LHFPL2: variants seen among roughly 807,000 people sequenced by gnomAD.
LHFPL2 encodes LHFPL tetraspan subfamily member 2, also known as LHFPL tetraspan subfamily member 2 protein.
In LHFPL2, 7 loss-of-function variants were observed where a neutral mutation model predicts 17.5. The observed-to-expected ratio is 0.40, with a 90% CI of 0.23 to 0.75. The LOEUF is 0.75. Among genes scored for constraint, LHFPL2 ranks in the 30% least tolerant of loss-of-function variants. LHFPL2 has a pLI of 0.37. For synonymous variants in LHFPL2, 134 were observed against 116.2 expected, an observed-to-expected ratio of 1.15 and a Z score of -0.99; for missense variants, 241 against 294.8, an observed-to-expected ratio of 0.82 and a Z score of 1.34.
chr5:78,514,811 T>C (rs1020320411), intron 3 of LHFPL2, among the ~76,000 whole-genome samples: 3 of 152,210 alleles, frequency 2.0e-5, no homozygotes, highest in African/African-American at 7.2e-5. Context: ...CTACCTTGCT[T>C]ACTCACCCTG....
At chr5:78,644,410 C>T in intron 1 of LHFPL2, 1 of 759,902 alleles carries the variant, frequency 1.3e-6, no homozygotes, top group South Asian at 1.6e-5. Flanking sequence ...TTCAGCTTCA[C>T]AGCCTTTTCA....
chr5:78,563,096 C>T (rs910860264), intron 3 of LHFPL2, among the ~76,000 whole-genome samples: 1 of 152,218 alleles, frequency 6.6e-6, no homozygotes, highest in Non-Finnish European at 1.5e-5. Flanking sequence ...ATGCCCCTCC[C>T]CGGCACAGGC....
intron 3 of LHFPL2, among the ~76,000 whole-genome samples, chr5:78,527,661 G>A (rs1416245721): frequency 6.6e-6 from 1 of 151,870 alleles, no homozygotes; most frequent in African/African-American, 2.4e-5. Context: ...AAGGGACGAA[G>A]GATTTCAGAT....
intron 2 of LHFPL2, among the ~76,000 whole-genome samples, chr5:78,612,694 C>T (rs979739317): frequency 1.3e-5 from 2 of 152,204 alleles, no homozygotes; most frequent in African/African-American, 4.8e-5. Context: ...CCCCAATCCC[C>T]AGAATCACTT....
chr5:78,523,444 T>C (rs1561320559), intron 3 of LHFPL2, among the ~76,000 whole-genome samples: 1 of 151,650 alleles, frequency 6.6e-6, no homozygotes, highest in Non-Finnish European at 1.5e-5. Context: ...AGTGAGGGGG[T>C]AGAAGAAGGC....
intron 2 of LHFPL2, among the ~76,000 whole-genome samples, chr5:78,574,117 T>C (rs1013460726): frequency 2.0e-5 from 3 of 152,240 alleles, no homozygotes; most frequent in African/African-American, 7.2e-5. Context: ...ATGAGAACTA[T>C]GAAGCATTAT....
intron 2 of LHFPL2, among the ~76,000 whole-genome samples, chr5:78,591,575 C>T (rs752231567): frequency 7.9e-5 from 12 of 152,168 alleles, no homozygotes; most frequent in Non-Finnish European, 1.2e-4. Flanking sequence ...AAGCAAATCC[C>T]GAGGCCAACT....
chr5:78,521,202 A>T (rs1389197106), intron 3 of LHFPL2, among the ~76,000 whole-genome samples: 1 of 152,218 alleles, frequency 6.6e-6, no homozygotes, highest in East Asian at 1.9e-4. Flanking sequence ...CATAAACTGT[A>T]TGAAACAGTC....
At chr5:78,611,810 C>CT (rs34481677) in intron 2 of LHFPL2, among the ~76,000 whole-genome samples, 59 of 152,244 alleles carry the variant, frequency 3.9e-4, no homozygotes, top group South Asian at 2.7e-3. Flanking sequence ...GGAGCACAAA[C>CT]TTTTTTTACA....
intron 4 of LHFPL2, chr5:78,494,667 G>A (rs1028967226): frequency 3.0e-5 from 7 of 232,400 alleles, no homozygotes; most frequent in Admixed American, 2.6e-4. Context: ...GCTGGTGCTC[G>A]CCCTCCCAAT....
intron 1 of LHFPL2, 119 bp from the exon 2 acceptor site, chr5:78,632,487 G>C (rs991913077): frequency 7.2e-5 from 11 of 152,234 alleles, no homozygotes; most frequent in African/African-American, 2.4e-4. Context: ...CAGAAAACAA[G>C]TCTAGTGTTA....
intron 3 of LHFPL2, among the ~76,000 whole-genome samples, chr5:78,541,419 GT>G (rs1390126410): frequency 6.6e-6 from 1 of 152,228 alleles, no homozygotes; most frequent in Non-Finnish European, 1.5e-5. Flanking sequence ...GCCCTGGGAT[GT>G]GGGAGCCACT....
At chr5:78,546,781 G>T (rs1048189084) in intron 3 of LHFPL2, among the ~76,000 whole-genome samples, 2 of 152,192 alleles carry the variant, frequency 1.3e-5, no homozygotes, top group African/African-American at 4.8e-5. Context: ...TATTTGTTTA[G>T]TGCTTTGCTT....
At chr5:78,582,922 A>C (rs1441901810) in intron 2 of LHFPL2, among the ~76,000 whole-genome samples, 1 of 152,132 alleles carries the variant, frequency 6.6e-6, no homozygotes, top group African/African-American at 2.4e-5. Flanking sequence ...TGGGAGTCTA[A>C]GTGTCTTTGT....
At chr5:78,638,671 G>A (rs1051933930) in intron 1 of LHFPL2, among the ~76,000 whole-genome samples, 3 of 152,320 alleles carry the variant, frequency 2.0e-5, no homozygotes, top group Non-Finnish European at 2.9e-5. Flanking sequence ...GTTACTAAGA[G>A]GACTGGAGGA....
chr5:78,512,359 T>C (rs1248445170), intron 3 of LHFPL2, among the ~76,000 whole-genome samples: 1 of 150,650 alleles, frequency 6.6e-6, no homozygotes, highest in African/African-American at 2.4e-5. Flanking sequence ...TCTGGCTGAA[T>C]GCTAATTTAT....
rs144797606 is a variant in LHFPL2 at position 78,502,838 on chromosome 5, G to A, written c.430+6946C>T. Among the ~76,000 whole-genome samples, 248 of 152,254 alleles carry A rather than the reference G, an allele frequency of 1.6e-3. 1 individual carries two copies. The South Asian group carries it at 0.017, about 10-fold the overall frequency. On this transcript the variant is annotated intron_variant, in intron 4 of 4. Transcript: ENST00000380345. ...TCTTTTCAACACTACGTCCCTGAAC[G>A]TGGCCTCTGTCACTCTGAACACACA...
At chr5:78,506,493 T>TGCA (rs1458194365) in intron 4 of LHFPL2, among the ~76,000 whole-genome samples, 2 of 152,338 alleles carry the variant, frequency 1.3e-5, no homozygotes, top group African/African-American at 4.8e-5. Flanking sequence ...TGCTCCCAGC[T>TGCA]GCAGCAAGTC....
chr5:78,510,979 T>C (rs1281395503), intron 3 of LHFPL2, among the ~76,000 whole-genome samples: 1 of 152,168 alleles, frequency 6.6e-6, no homozygotes, highest in Non-Finnish European at 1.5e-5. Context: ...GTTTGCTTCA[T>C]AGGTAAATAG....
Sources: gnomAD v4.1 joint callset for allele counts (sites outside exome capture counted in the v4.1 genomes callset) on GRCh38, gnomAD v4.1.1 for gene constraint, MANE v1.5 for transcripts, NCBI Gene and HGNC (gene_info 2026-07-23, HGNC 2026-07-21) for gene names.